The following RSF1 variants were observed in gnomAD, a reference collection of about 807,000 sequenced individuals.
RSF1 encodes remodeling and spacing factor 1, also known as HBV pX-associated protein 8.
RSF1 carries 13 observed loss-of-function variants against 145.2 expected under a neutral mutation model. The ratio of observed to expected loss-of-function variants is 0.09; its 90% CI spans 0.06 to 0.14. RSF1 has a LOEUF of 0.14. RSF1 is among the 10% of genes least tolerant of loss of function. The probability of loss-of-function intolerance (pLI) is 1.00; values close to 1 mark genes in which losing one functional copy is unlikely to be tolerated. For missense variants in RSF1, 1,517 were observed against 1,718.2 expected (o/e 0.88, Z 2.07); for synonymous variants, 577 against 592.6 (o/e 0.97, Z 0.38).
chr11:77,811,383 C>T (rs1429400177), intron 1 of RSF1, among the ~76,000 whole-genome samples: 1 of 152,182 alleles, frequency 6.6e-6, no homozygotes, highest in Non-Finnish European at 1.5e-5. Context: ...GAAACCCTGT[C>T]CTCAAAGAGT....
chr11:77,686,448 C>A (rs1034422183), intron 9 of RSF1, among the ~76,000 whole-genome samples: 4 of 119,470 alleles, frequency 3.3e-5, no homozygotes, highest in African/African-American at 1.2e-4. Flanking sequence ...TTCCCTGGTT[C>A]TCTCAAAGTT....
Position 77,672,140 on chromosome 11 carries a change from T to G in RSF1, c.3653A>C (p.Lys1218Thr), listed in dbSNP as rs534652312. 6.2e-7 allele frequency: 1 copy of G among 1,614,104 alleles called. No individual in the cohort carries two copies. Among genetic ancestry groups the G allele is most frequent in the East Asian group, 2.2e-5 (1 of 44,892 alleles). ...GGAACCGTCACTTTCTGAGTCTTCT[T>G]TGTAGTTAATTTGTCTTTTCTGATT... ...RRNQKRQINY[K>T]EDSESDGSQK... The change falls in exon 15 of 16, where the codon AAA (lysine) becomes ACA (threonine). Residue 1218 changes from lysine (K) to threonine (T), a missense_variant. Lys to Thr is a moderately conservative substitution (Grantham distance 78). Around this residue, in one of 12 missense-constraint regions of RSF1, gnomAD observed 9 missense variants for 23.0 expected, o/e 0.39. Coordinates refer to ENST00000308488, the MANE Select transcript of RSF1 (RefSeq NM_016578.4).
At chr11:77,677,563 T>C (rs1313443295) in intron 12 of RSF1, among the ~76,000 whole-genome samples, 1 of 152,132 alleles carries the variant, frequency 6.6e-6, no homozygotes, top group Non-Finnish European at 1.5e-5. Context: ...TTTTCCAGAG[T>C]TTTCATAATA....
intron 3 of RSF1, among the ~76,000 whole-genome samples, chr11:77,745,990 T>A (rs1947995554): frequency 6.6e-6 from 1 of 152,016 alleles, no homozygotes; most frequent in African/African-American, 2.4e-5. Flanking sequence ...TACACACTAA[T>A]ATATAATGTA....
At chr11:77,682,382 C>A (rs919175911) in intron 11 of RSF1, among the ~76,000 whole-genome samples, 1 of 152,098 alleles carries the variant, frequency 6.6e-6, no homozygotes, top group Non-Finnish European at 1.5e-5. Flanking sequence ...GTTATCCCAG[C>A]AGATTTTAGA....
chr11:77,691,064 C>A, intron 9 of RSF1, 95 bp downstream of exon 9: 1 of 1,244,426 alleles, frequency 8.0e-7, no homozygotes, highest in Non-Finnish European at 1.2e-6. Flanking sequence ...CCACAGTATG[C>A]CAATCCTTGT....
At chr11:77,869,649 A>C in the RSF1 span, 3 of 1,394,448 alleles carry the variant, frequency 2.2e-6, no homozygotes, top group Non-Finnish European at 3.0e-6. Context: ...TGAATGAATG[A>C]ATCCCACAAG....
In RSF1 at chr11:77,663,611, T is replaced by A. The variant is rs960740500; in HGVS notation, c.*3306A>T. On this transcript the variant is annotated 3_prime_UTR_variant, in exon 16 of 16. Transcript: ENST00000308488. ...ACCTTGACCAATTGAAAAAAGGATG[T>A]CAAGGAAATATAACTTGATGTACAT... is the stretch of plus-strand genomic sequence containing the variant. 1 of 152,144 alleles carries A rather than the reference T, an allele frequency of 6.6e-6. No individual in the cohort carries two copies. The highest frequency in any genetic ancestry group is 2.1e-4 in the South Asian group (1 of 4,832). The allele number at this position is 152,144 out of a possible 1,614,324, so 9.4% of individuals were successfully genotyped here.
intron 3 of RSF1, among the ~76,000 whole-genome samples, chr11:77,742,719 G>A (rs575481324): frequency 1.4e-3 from 212 of 152,274 alleles, no homozygotes; most frequent in Non-Finnish European, 1.4e-3. Context: ...GTGATATTGA[G>A]CATTTATTCA....
chr11:77,764,753 A>T, intron 1 of RSF1, 64 bp from the exon 2 acceptor site: 1 of 1,009,802 alleles, frequency 9.9e-7, no homozygotes, highest in Non-Finnish European at 1.5e-6. Context: ...CATTTAAGAT[A>T]ATAAAAAAAT....
At chr11:77,797,083 C>T (rs566096609) in intron 1 of RSF1, among the ~76,000 whole-genome samples, 1 of 152,280 alleles carries the variant, frequency 6.6e-6, no homozygotes, top group East Asian at 1.9e-4. Flanking sequence ...GGCCATACTG[C>T]CAAAAGTAAT....
chr11:77,662,728 T>C lies in RSF1; in HGVS notation c.*4189A>G, dbSNP rs547146351. ...AGGCACACACTTTGGGAAAGGTAGA[T>C]GATATAGGAATGGATTTTAATCTGA... On this transcript the variant is annotated 3_prime_UTR_variant, in exon 16 of 16. Transcript: ENST00000308488. 35 of 152,260 alleles carry C rather than the reference T, an allele frequency of 2.3e-4. No homozygotes were observed. The highest frequency in any genetic ancestry group is 7.5e-4 in the African/African-American group (31 of 41,560). 9.4% of individuals were successfully genotyped at this position (152,260 alleles called of 1,614,324 possible).
intron 4 of RSF1, among the ~76,000 whole-genome samples, chr11:77,726,432 C>T (rs1305318034): frequency 6.6e-6 from 1 of 152,118 alleles, no homozygotes; most frequent in African/African-American, 2.4e-5. Flanking sequence ...TCCCAAGTAG[C>T]TAGGACTACA....
intron 11 of RSF1, among the ~76,000 whole-genome samples, chr11:77,681,280 T>C (rs1043775373): frequency 6.6e-6 from 1 of 152,208 alleles, no homozygotes; most frequent in African/African-American, 2.4e-5. Context: ...AAACTATGTA[T>C]TTTCATATAA....
chr11:77,727,740 A>G (rs1191611414), intron 4 of RSF1, among the ~76,000 whole-genome samples: 1 of 152,104 alleles, frequency 6.6e-6, no homozygotes, highest in Non-Finnish European at 1.5e-5. Flanking sequence ...TTGGCCTCCC[A>G]AACTGTTGGG....
At chr11:77,702,702 T>A (rs528675723) in intron 5 of RSF1, 19 of 367,628 alleles carry the variant, frequency 5.2e-5, no homozygotes, top group Non-Finnish European at 5.2e-5. Flanking sequence ...TTAAAAAAAA[T>A]TTAGAAAAAT....
chr11:77,680,249 A>G (rs923017504), intron 11 of RSF1, among the ~76,000 whole-genome samples: 1 of 151,750 alleles, frequency 6.6e-6, no homozygotes. Context: ...TCTGGGCTAT[A>G]TGGTGAGACC....
the RSF1 span, among the ~76,000 whole-genome samples, chr11:77,842,916 A>T: frequency 7.2e-5 from 11 of 152,338 alleles, no homozygotes; most frequent in African/African-American, 2.6e-4. Context: ...AACCACTACC[A>T]GTCAGTGCCC....
chr11:77,704,753 G>GTTTT lies in RSF1; in HGVS notation c.734-2262_734-2259dup, dbSNP rs72141127. ...TTTGGTTTTTTGTGTGTTTGCCTTG[G>GTTTT]TTTTTTTTTTTTTTTTGAGACGAAG... On this transcript the variant is annotated intron_variant, in intron 5 of 15. Coordinates refer to ENST00000308488, the MANE Select transcript of RSF1 (RefSeq NM_016578.4). Among the ~76,000 whole-genome samples the GTTTT allele has an allele frequency of 2.2e-3, 293 of 134,514 alleles. 4 individuals carry two copies. The highest frequency in any genetic ancestry group is 7.3e-3 in the African/African-American group (265 of 36,426). The allele number at this position is 134,514 out of a possible 152,430, so 88.2% of individuals were successfully genotyped here. A position where few individuals can be genotyped will look rare whatever the true frequency, so the allele number is the denominator to read the frequency against.
Sources: allele counts gnomAD v4.1 joint callset (sites outside exome capture counted in the v4.1 genomes callset), GRCh38; gene constraint gnomAD v4.1.1; regional missense constraint gnomAD v4.1.1; transcripts MANE v1.5; gene names NCBI Gene and HGNC (gene_info 2026-07-23, HGNC 2026-07-21).